RGS12: variants seen among roughly 807,000 people sequenced by gnomAD.
RGS12 encodes the protein regulator of G-protein signaling 12.
RGS12 carries 66 observed loss-of-function variants against 120.1 expected under a neutral mutation model. The ratio of observed to expected loss-of-function variants is 0.55; its 90% CI spans 0.45 to 0.67. The LOEUF is 0.67. RGS12 is among the 30% of genes least tolerant of loss of function. The pLI is 0.00. For synonymous variants in RGS12, 827 were observed against 804.7 expected (o/e 1.03, Z -0.47); for missense variants, 1,859 against 1,957.7 (o/e 0.95, Z 0.95).
At chr4:3,293,373 C>A (rs981729081) in intron 1 of RGS12, among the ~76,000 whole-genome samples, 1 of 146,354 alleles carries the variant, frequency 6.8e-6, no homozygotes, top group African/African-American at 2.5e-5. Context: ...TCCGGCCGGG[C>A]GGGTGCGCGG....
intron 13 of RGS12, chr4:3,423,866 T>A: frequency 1.9e-6 from 1 of 534,218 alleles, no homozygotes; most frequent in Non-Finnish European, 3.2e-6. Context: ...CAAAAAGAAT[T>A]GATATTTGAG....
At chr4:3,334,327 C>G (rs1263903190) in intron 2 of RGS12, among the ~76,000 whole-genome samples, 1 of 152,172 alleles carries the variant, frequency 6.6e-6, no homozygotes, top group Non-Finnish European at 1.5e-5. Flanking sequence ...GCTAACATGG[C>G]AAATTACAAT....
chr4:3,293,401 C>T (rs1723164265), intron 1 of RGS12, among the ~76,000 whole-genome samples: 1 of 147,678 alleles, frequency 6.8e-6, no homozygotes, highest in Non-Finnish European at 1.5e-5. Flanking sequence ...GGGCCCCGCG[C>T]TGTGAGGCCC....
chr4:3,343,182 C>G, intron 3 of RGS12, 129 bp downstream of exon 3: 1 of 644,194 alleles, frequency 1.6e-6, no homozygotes, highest in Non-Finnish European at 2.7e-6. Flanking sequence ...AGTGGTAACC[C>G]CTGTTTTCTG....
intron 3 of RGS12, among the ~76,000 whole-genome samples, chr4:3,349,914 CAT>C (rs1212946679): frequency 2.6e-5 from 4 of 152,170 alleles, no homozygotes; most frequent in Admixed American, 6.5e-5. Context: ...TTTAATTTAA[CAT>C]AGCATAACTT....
At chr4:3,375,827 A>T (rs1474699423) in intron 3 of RGS12, among the ~76,000 whole-genome samples, 1 of 152,204 alleles carries the variant, frequency 6.6e-6, no homozygotes, top group Non-Finnish European at 1.5e-5. Flanking sequence ...CCCTGTCCAG[A>T]ACCTCTCAGC....
chr4:3,382,979 T>A (rs1332740726), intron 3 of RGS12, among the ~76,000 whole-genome samples: 1 of 152,138 alleles, frequency 6.6e-6, no homozygotes, highest in Non-Finnish European at 1.5e-5. Flanking sequence ...GCTGGGCTTC[T>A]CCTTGGGTTT....
At chr4:3,299,021 T>G (rs1404137366) in intron 1 of RGS12, among the ~76,000 whole-genome samples, 3 of 152,218 alleles carry the variant, frequency 2.0e-5, no homozygotes, top group African/African-American at 7.2e-5. Context: ...GAACATCTAG[T>G]GTTATTTGAT....
At chr4:3,309,659 A>G (rs1724225310) in intron 1 of RGS12, among the ~76,000 whole-genome samples, 2 of 98,646 alleles carry the variant, frequency 2.0e-5, no homozygotes, top group African/African-American at 4.3e-5. Context: ...AGGAGCTGGG[A>G]CCCTGGAATG....
At chr4:3,342,048 G>C (rs977283400) in intron 2 of RGS12, among the ~76,000 whole-genome samples, 3 of 151,812 alleles carry the variant, frequency 2.0e-5, no homozygotes, top group Non-Finnish European at 4.4e-5. Flanking sequence ...TGCTCCATCT[G>C]CTTCCAGAAA....
chr4:3,311,534 T>C (rs1301050380), intron 1 of RGS12, among the ~76,000 whole-genome samples: 2 of 152,190 alleles, frequency 1.3e-5, no homozygotes, highest in African/African-American at 4.8e-5. Context: ...GAGCATCCCT[T>C]ATCCAGATGC....
At chr4:3,385,181 C>G (rs1430953927) in intron 3 of RGS12, 1 of 152,278 alleles carries the variant, frequency 6.6e-6, no homozygotes, top group Non-Finnish European at 1.5e-5. Context: ...CCAGGAGGTA[C>G]CAGGTTGCCC....
At chr4:3,290,119 T>G (rs1276691263), upstream of RGS12, among the ~76,000 whole-genome samples, 2 of 152,082 alleles carry the variant, frequency 1.3e-5, no homozygotes, top group African/African-American at 4.8e-5. Flanking sequence ...AGCCTGGGAG[T>G]GCAGACGTCT....
intron 2 of RGS12, among the ~76,000 whole-genome samples, chr4:3,329,003 C>T (rs563945087): frequency 2.0e-5 from 3 of 152,206 alleles, no homozygotes; most frequent in African/African-American, 7.2e-5. Flanking sequence ...CCTTTAACTC[C>T]AAGGGGAAGT....
intron 1 of RGS12, among the ~76,000 whole-genome samples, chr4:3,295,302 G>A (rs1578662303): frequency 1.3e-5 from 2 of 152,180 alleles, no homozygotes; most frequent in Admixed American, 1.3e-4. Flanking sequence ...TGCAGGCCTG[G>A]TTGACAGTAT....
At chr4:3,337,360 T>G (rs1712589578) in intron 2 of RGS12, among the ~76,000 whole-genome samples, 1 of 152,254 alleles carries the variant, frequency 6.6e-6, no homozygotes, top group Non-Finnish European at 1.5e-5. Flanking sequence ...ACAGTCCTAC[T>G]TCTACGTATA....
intron 7 of RGS12, 140 bp downstream of exon 7, chr4:3,416,261 A>C: frequency 3.0e-6 from 3 of 989,278 alleles, no homozygotes; most frequent in Non-Finnish European, 4.4e-6. Flanking sequence ...GCAGACAGAA[A>C]GTGGGGCTTT....
intron 2 of RGS12, among the ~76,000 whole-genome samples, chr4:3,319,242 T>A (rs1167840926): frequency 6.6e-6 from 1 of 152,114 alleles, no homozygotes; most frequent in Non-Finnish European, 1.5e-5. Context: ...GTGAGCTGTG[T>A]TGCAGCCACT....
chr4:3,350,355 C>CA (rs1418217695), intron 3 of RGS12, among the ~76,000 whole-genome samples: 1 of 152,064 alleles, frequency 6.6e-6, no homozygotes, highest in African/African-American at 2.4e-5. Flanking sequence ...TTTATTTTAT[C>CA]AACAAATTTA....
Sources: allele counts gnomAD v4.1 joint callset (sites outside exome capture counted in the v4.1 genomes callset), GRCh38; gene constraint gnomAD v4.1.1; transcripts MANE v1.5; gene names NCBI Gene and HGNC (gene_info 2026-07-23, HGNC 2026-07-21).